Variants in NOL11 observed in about 807,000 individuals in gnomAD.
NOL11 encodes the protein nucleolar protein 11.
Under a neutral mutation model 93.0 loss-of-function variants are expected in NOL11, and 42 were observed. The ratio of observed to expected loss-of-function variants is 0.45; its 90% CI spans 0.35 to 0.58. The LOEUF is 0.58. Among genes scored for constraint, NOL11 ranks in the 20% least tolerant of loss-of-function variants. The pLI is 0.00. For synonymous variants in NOL11, 296 were observed against 293.7 expected, an observed-to-expected ratio of 1.01 and a Z score of -0.08; for missense variants, 775 against 841.8, an observed-to-expected ratio of 0.92 and a Z score of 0.98.
chr17:67,719,701 T>A lies in NOL11; in HGVS notation c.169T>A (p.Trp57Arg). The A allele has an allele frequency of 6.2e-7, 1 of 1,606,514 alleles. No individual in the cohort carries two copies. The highest frequency in any genetic ancestry group is 8.5e-7 in the Non-Finnish European group (1 of 1,175,530). The change falls in exon 2 of 18, where the codon TGG becomes AGG. Residue 57 changes from tryptophan to arginine, a missense_variant. Trp to Arg is a moderately radical substitution (Grantham distance 101, BLOSUM62 -3). Around this residue, in one of 2 missense-constraint regions of NOL11, gnomAD observed 359 missense variants for 316.5 expected, o/e 1.13. Coordinates refer to ENST00000253247, the MANE Select transcript of NOL11 (RefSeq NM_015462.5). ...KVSDQKPLGS[W>R]SVKQGQIITC... ...TTCTGATCAGAAACCCTTGGGGAGC[T>A]GGTCAGTGAAACAAGGTCAAATTAT...
intron 7 of NOL11, among the ~76,000 whole-genome samples, chr17:67,728,320 A>G (rs915768899): frequency 1.1e-4 from 17 of 152,192 alleles, no homozygotes; most frequent in African/African-American, 4.1e-4. Flanking sequence ...TACTAAGATT[A>G]TCTCATTATT....
intron 16 of NOL11, among the ~76,000 whole-genome samples, chr17:67,741,155 C>T (rs370584725): frequency 3.3e-5 from 5 of 152,252 alleles, no homozygotes; most frequent in Admixed American, 1.3e-4. Context: ...CTGCAACCTC[C>T]GCCTCCAGGG....
Position 67,717,986 on chromosome 17 carries a change from A to T in NOL11, c.39A>T (p.Val13=), listed in dbSNP as rs2043188218. The T allele has an allele frequency of 1.9e-6, 3 of 1,614,140 alleles. No homozygotes were observed. Among genetic ancestry groups the T allele is most frequent in the Non-Finnish European group, 2.5e-6 (3 of 1,180,054 alleles). Residue 13 remains valine, a synonymous_variant, in exon 1 of 18, where the codon GTA becomes GTT. Transcript: ENST00000253247. ...AGGAAGAATTCACGTTGTCTTCGGT[A>T]GTCCTGAGCGCCGGGCCTGAAGGAC... ...ALEEEFTLSS[V]VLSAGPEGLL...
intron 16 of NOL11, among the ~76,000 whole-genome samples, chr17:67,740,235 A>C (rs1206115517): frequency 7.5e-6 from 1 of 132,850 alleles, no homozygotes; most frequent in African/African-American, 3.9e-5. Flanking sequence ...CTCTGTCCCA[A>C]AAAAAAAAAG....
Position 67,724,036 on chromosome 17 carries a change from T to TC in NOL11, c.520-13_520-12insC. 6.7e-7 allele frequency: 1 copy of TC among 1,483,704 alleles called. No individual in the cohort carries two copies. Among genetic ancestry groups the TC allele is most frequent in the East Asian group, 2.3e-5 (1 of 43,066 alleles). 91.9% of individuals were successfully genotyped at this position (1,483,704 alleles called of 1,614,324 possible). The stretch of plus-strand genomic sequence containing the variant: ...AATGGGAATATTTATAAAATAACCT[T>TC]TTTTTTTTGCAGCATGGAAATTACT... On this transcript the variant is annotated splice_polypyrimidine_tract_variant and intron_variant, in intron 5 of 17. Transcript: ENST00000253247.
chr17:67,723,005 C>CTTTTTTTTT (rs61233443), intron 5 of NOL11, among the ~76,000 whole-genome samples: 1 of 124,596 alleles, frequency 8.0e-6, no homozygotes, highest in African/African-American at 3.1e-5. Flanking sequence ...AATTTCAAAA[C>CTTTTTTTTT]TTTTTTTTTT....
At chr17:67,732,376 T>C (rs1373343195) in intron 7 of NOL11, among the ~76,000 whole-genome samples, 3 of 151,144 alleles carry the variant, frequency 2.0e-5, no homozygotes, top group Non-Finnish European at 4.4e-5. Flanking sequence ...TCCCAGCTAC[T>C]TGGGGGAGCA....
intron 16 of NOL11, among the ~76,000 whole-genome samples, chr17:67,741,975 A>G (rs909593626): frequency 6.6e-6 from 1 of 152,102 alleles, no homozygotes; most frequent in African/African-American, 2.4e-5. Flanking sequence ...GTACCTATCA[A>G]TCCTCTATTG....
In NOL11 at chr17:67,731,416, G is replaced by A. The variant is rs1247507641; in HGVS notation, c.854-2947G>A. Among the ~76,000 whole-genome samples, 17 of 10,512 alleles carry A rather than the reference G, an allele frequency of 1.6e-3. 7 individuals carry two copies. Among genetic ancestry groups the A allele is most frequent in the Non-Finnish European group, 4.7e-4 (2 of 4,282 alleles). 6.9% of individuals were successfully genotyped at this position (10,512 alleles called of 152,430 possible). On this transcript the variant is annotated intron_variant, in intron 7 of 17. Coordinates refer to ENST00000253247, the MANE Select transcript of NOL11 (RefSeq NM_015462.5). ...GTAGCTGGGACTACAGGCGCCCGCC[G>A]CTGCGCCCGGCTAATTTTTTGTATT...
chr17:67,723,413 G>C (rs8074807), intron 5 of NOL11, among the ~76,000 whole-genome samples: 69,972 of 84,976 alleles, frequency 0.82, 29,156 homozygotes, highest in Non-Finnish European at 0.89. Context: ...TTTTTGAGAC[G>C]ATTCTCCCTC....
chr17:67,738,853 AC>A (rs1289935169), intron 14 of NOL11, 78 bp from the exon 15 acceptor site: 12 of 875,134 alleles, frequency 1.4e-5, no homozygotes, highest in Non-Finnish European at 2.0e-5. Flanking sequence ...TAGAAAACTA[AC>A]ATTGACAAAG....
intron 8 of NOL11, among the ~76,000 whole-genome samples, chr17:67,734,926 C>G (rs2055187546): frequency 6.6e-6 from 1 of 152,168 alleles, no homozygotes; most frequent in South Asian, 2.1e-4. Flanking sequence ...TTCCAAAATT[C>G]TAAATTTTTG....
intron 16 of NOL11, among the ~76,000 whole-genome samples, chr17:67,742,557 T>G (rs1052803751): frequency 6.6e-6 from 1 of 152,244 alleles, no homozygotes; most frequent in African/African-American, 2.4e-5. Context: ...ATGGCTTATG[T>G]TATGTTTAAG....
At position 67,721,648 on chromosome 17, in the gene NOL11, C is replaced by A. The variant is rs958442375; in HGVS notation, c.461+122C>A. Reference sequence around the variant, plus strand: ...AAGTAACCTAATTAAAAATCACTTACAAAACACTGACTAAAACAACATCCT... The same window carrying A: ...AAGTAACCTAATTAAAAATCACTTAAAAAACACTGACTAAAACAACATCCT... On this transcript the variant is annotated intron_variant, in intron 4 of 17. Transcript: ENST00000253247. 10 of 774,934 alleles carry A rather than the reference C, an allele frequency of 1.3e-5. No individual in the cohort carries two copies. In the South Asian group the frequency reaches 1.9e-4, roughly 14 times the overall value. The allele number at this position is 774,934 out of a possible 1,614,324, so 48.0% of individuals were successfully genotyped here. A position where few individuals can be genotyped will look rare whatever the true frequency, so the allele number is the denominator to read the frequency against.
At chr17:67,718,127 T>G (rs775958534) in intron 1 of NOL11, 39 bp downstream of exon 1, 2 of 1,594,590 alleles carry the variant, frequency 1.3e-6, no homozygotes, top group South Asian at 1.1e-5. Context: ...GACTGCCTTC[T>G]CGCCCCTTTC....
intron 7 of NOL11, among the ~76,000 whole-genome samples, chr17:67,732,491 CAAAA>C (rs201009697): frequency 1.4e-5 from 1 of 71,472 alleles, no homozygotes; most frequent in Admixed American, 1.7e-4. Flanking sequence ...GACTCCGTCT[CAAAA>C]AAAAAAAAAA....
intron 3 of NOL11, 70 bp downstream of exon 3, chr17:67,720,032 T>A: frequency 7.2e-7 from 1 of 1,383,742 alleles, no homozygotes; most frequent in Non-Finnish European, 9.8e-7. Flanking sequence ...TAATAAAGTA[T>A]GTGTTATTTA....
intron 16 of NOL11, among the ~76,000 whole-genome samples, chr17:67,741,366 G>A (rs2055255400): frequency 6.6e-6 from 1 of 151,554 alleles, no homozygotes; most frequent in African/African-American, 2.4e-5. Flanking sequence ...TACCGTGCCC[G>A]GGCAAACTAC....
In NOL11 at chr17:67,717,987, G is replaced by A; in HGVS notation, c.40G>A (p.Val14Ile). Residue 14 changes from valine (V) to isoleucine (I), a missense_variant, in exon 1 of 18, where the codon GTC becomes ATC. By Grantham distance (29) the Val-to-Ile change is conservative (BLOSUM62 3). Around this residue, in one of 2 missense-constraint regions of NOL11, gnomAD observed 359 missense variants for 316.5 expected, o/e 1.13. Coordinates refer to ENST00000253247, the MANE Select transcript of NOL11 (RefSeq NM_015462.5). The stretch of plus-strand genomic sequence containing the variant: ...GGAAGAATTCACGTTGTCTTCGGTA[G>A]TCCTGAGCGCCGGGCCTGAAGGACT... ...LEEEFTLSSVVLSAGPEGLLG... is the reference protein window; with the variant it reads ...LEEEFTLSSVILSAGPEGLLG... 7 of 1,614,262 alleles carry A rather than the reference G, an allele frequency of 4.3e-6. No individual in the cohort carries two copies. The highest frequency in any genetic ancestry group is 5.9e-6 in the Non-Finnish European group (7 of 1,180,044).
Sources: allele counts gnomAD v4.1 joint callset (sites outside exome capture counted in the v4.1 genomes callset), GRCh38; gene constraint gnomAD v4.1.1; regional missense constraint gnomAD v4.1.1; transcripts MANE v1.5; gene names NCBI Gene and HGNC (gene_info 2026-07-23, HGNC 2026-07-21).